JAG2: variants seen among roughly 807,000 people sequenced by gnomAD.
The protein encoded by JAG2 is jagged canonical Notch ligand 2.
Under a neutral mutation model 141.7 loss-of-function variants are expected in JAG2, and 46 were observed. That is an observed-to-expected ratio of 0.32 (90% CI 0.26 to 0.42). JAG2 has a LOEUF of 0.42. JAG2 is among the 10% of genes least tolerant of loss of function. The pLI is 1.00. For synonymous variants in JAG2, 862 were observed against 763.5 expected (o/e 1.13, Z -2.13); for missense variants, 1,500 against 1,817.5 (o/e 0.83, Z 3.18).
At chr14:105,147,674 G>A in intron 18 of JAG2, 98 bp downstream of exon 18, 2 of 1,083,806 alleles carry the variant, frequency 1.8e-6, no homozygotes, top group Non-Finnish European at 2.8e-6. Context: ...GGGCAGCAGG[G>A]GGAGGGGCTG....
rs1027498932 is a variant in JAG2, at chr14:105,145,657, C to G, written c.2952+74G>C. On this transcript the variant is annotated intron_variant, in intron 23 of 25. Coordinates refer to ENST00000331782, the MANE Select transcript of JAG2 (RefSeq NM_002226.5). Reference sequence around the variant, plus strand: ...ACCAGGGCCTCCCTGCCCTGCGGGGCTAGGCTTTCGCCATGCCACGAGCAG... The same window carrying G: ...ACCAGGGCCTCCCTGCCCTGCGGGGGTAGGCTTTCGCCATGCCACGAGCAG... 5 of 1,536,022 alleles carry G rather than the reference C, an allele frequency of 3.3e-6. No homozygotes were observed. In the African/African-American group the frequency reaches 4.1e-5, roughly 13 times the overall value.
chr14:105,150,594 C>T lies in JAG2; in HGVS notation c.1602+10G>A. 1 of 1,546,068 alleles carries T rather than the reference C, an allele frequency of 6.5e-7. No homozygotes were observed. The highest frequency in any genetic ancestry group is 8.7e-7 in the Non-Finnish European group (1 of 1,144,862). On this transcript the variant is annotated intron_variant, in intron 12 of 25. Coordinates refer to ENST00000331782, the MANE Select transcript of JAG2 (RefSeq NM_002226.5). ...CAGCAGGTGGGGCAGGGTGACCAGG[C>T]AGACCTCACCTCACAGAGAGGCCCG...
At chr14:105,155,222 A>C in intron 5 of JAG2, among the ~76,000 whole-genome samples, 1 of 147,848 alleles carries the variant, frequency 6.8e-6, no homozygotes, top group African/African-American at 2.5e-5. Context: ...CTCGCCGCCC[A>C]CCCCCTCCCC....
chr14:105,149,423 G>GGAT, intron 12 of JAG2, 103 bp from the exon 13 acceptor site: 3 of 1,452,836 alleles, frequency 2.1e-6, no homozygotes, highest in Non-Finnish European at 2.9e-6. Flanking sequence ...GGACCCCCAG[G>GGAT]CCCCTCCGCC....
rs187164593 is a variant in JAG2 at position 105,141,410 on chromosome 14, T to C, written c.*1285A>G. ...TAATTCCTTAAGACCTTGATACGTA[T>C]TCGTGGGTAAGCAATTTTATACTAT... On this transcript the variant is annotated 3_prime_UTR_variant, in exon 26 of 26. Transcript: ENST00000331782. 2.6e-5 allele frequency: 4 copies of C among 152,376 alleles called. No individual in the cohort carries two copies. Among genetic ancestry groups the C allele is most frequent in the East Asian group, 1.9e-4 (1 of 5,192 alleles). 9.4% of individuals were successfully genotyped at this position (152,376 alleles called of 1,614,324 possible). A position where few individuals can be genotyped will look rare whatever the true frequency, so the allele number is the denominator to read the frequency against.
At chr14:105,149,692 C>T (rs966386319) in intron 12 of JAG2, among the ~76,000 whole-genome samples, 2 of 150,402 alleles carry the variant, frequency 1.3e-5, no homozygotes, top group African/African-American at 4.9e-5. Flanking sequence ...GCCATGCTTG[C>T]AGGTCCTGAG....
chr14:105,150,345 G>C (rs906812444), intron 12 of JAG2, among the ~76,000 whole-genome samples: 12 of 152,108 alleles, frequency 7.9e-5, no homozygotes, highest in Non-Finnish European at 1.3e-4. Context: ...GGCCTGGGCA[G>C]CCAGCAGCCC....
At chr14:105,153,775 G>A (rs1888505911) in intron 5 of JAG2, among the ~76,000 whole-genome samples, 1 of 152,170 alleles carries the variant, frequency 6.6e-6, no homozygotes, top group African/African-American at 2.4e-5. Flanking sequence ...GGGCAGGGAT[G>A]GCCAACTTCT....
intron 18 of JAG2, 78 bp from the exon 19 acceptor site, chr14:105,147,605 G>A (rs1486556815): frequency 1.6e-5 from 23 of 1,461,972 alleles, no homozygotes; most frequent in Middle Eastern, 1.8e-4. Context: ...CTGGCTTGGC[G>A]TGATCAGGCT....
chr14:105,148,917 C>T lies in JAG2; in HGVS notation c.1906+20G>A, dbSNP rs200017039. On this transcript the variant is annotated intron_variant, in intron 14 of 25. Transcript: ENST00000331782. ...GGCCAGCCCAGCCCCACCACCAGCC[C>T]GCCGTTCGTGGCCACTCACTCTCAT... 1.7e-4 allele frequency: 264 copies of T among 1,599,190 alleles called. No homozygotes were observed. Among genetic ancestry groups the T allele is most frequent in the Non-Finnish European group, 1.8e-4 (215 of 1,173,754 alleles).
In JAG2 at chr14:105,145,819, G is replaced by A. The variant is rs1383211824; in HGVS notation, c.2864C>T (p.Pro955Leu). Residue 955 changes from proline to leucine, a missense_variant, in exon 23 of 26, where the codon CCG (proline) becomes CTG (leucine). Coordinates refer to ENST00000331782, the MANE Select transcript of JAG2 (RefSeq NM_002226.5). ...AWGECGAEEP[P>L]STPCLPRSGH... ...GGAGCGTGGCAGGCAGGGGGTGCTC[G>A]GTGGCTCTTCTGCGCCGCACTCCCC... 1.9e-5 allele frequency: 29 copies of A among 1,566,208 alleles called. No homozygotes were observed. Among genetic ancestry groups the A allele is most frequent in the Admixed American group, 3.7e-5 (2 of 53,412 alleles).
At chr14:105,148,671 G>A (rs1045592561) in intron 15 of JAG2, 74 bp downstream of exon 15, 13 of 1,303,624 alleles carry the variant, frequency 1.0e-5, no homozygotes, top group East Asian at 7.6e-5. Context: ...CCCAGACAGC[G>A]GTCCATCTCA....
chr14:105,149,780 G>A (rs1357888497), intron 12 of JAG2, among the ~76,000 whole-genome samples: 2 of 144,614 alleles, frequency 1.4e-5, no homozygotes, highest in African/African-American at 2.6e-5. Flanking sequence ...GGGCAGGATC[G>A]TGGGCGGCCG....
At chr14:105,151,785 GCTTTCCACA>G (rs1479020505) in intron 7 of JAG2, 46 bp from the exon 8 acceptor site, 2 of 1,599,236 alleles carry the variant, frequency 1.3e-6, no homozygotes, top group Non-Finnish European at 8.5e-7. Context: ...CAGGCCCCCA[GCTTTCCACA>G]AGCACTCCTC....
chr14:105,142,773 G>C lies in JAG2; in HGVS notation c.3639C>G (p.Ala1213=), dbSNP rs368232652. Residue 1213 remains alanine (A), a synonymous_variant, in exon 26 of 26, where the codon GCC becomes GCG. Transcript: ENST00000331782. ...KDPGRSPGRP[A]HWASGPKVDN... ...CCACTTTGGGGCCTGAGGCCCAGTG[G>C]GCCGGCCTCCCCGGCGAGCGGCCAG... The C allele has an allele frequency of 6.2e-7, 1 of 1,610,838 alleles. No individual in the cohort carries two copies. Among genetic ancestry groups the C allele is most frequent in the Non-Finnish European group, 8.5e-7 (1 of 1,179,118 alleles).
chr14:105,149,020 G>A lies in JAG2; in HGVS notation c.1823C>T (p.Pro608Leu). 6.2e-7 allele frequency: 1 copy of A among 1,607,184 alleles called. No individual in the cohort carries two copies. Among genetic ancestry groups the A allele is most frequent in the East Asian group, 2.2e-5 (1 of 44,608 alleles). Residue 608 changes from proline to leucine, a missense_variant, in exon 14 of 26, where the codon CCC becomes CTC. Physicochemically the swap from Pro to Leu is moderately conservative, Grantham distance 98. This residue lies in a region of JAG2 where 875 missense variants were observed against 1,202.2 expected (regional missense o/e 0.73). Transcript: ENST00000331782. ...PGTAASGVCG[P>L]HGRCVSQPGG... ...TGGCTGGCTGACGCAGCGTCCATGG[G>A]GGCCACACACGCCGGAGGCTGCTGT... is the stretch of plus-strand genomic sequence containing the variant.
chr14:105,151,438 C>G, intron 8 of JAG2, 42 bp from the exon 9 acceptor site: 1 of 1,574,744 alleles, frequency 6.4e-7, no homozygotes, highest in South Asian at 1.1e-5. Flanking sequence ...CAGTGTGAGC[C>G]GTGGGAATAA....
intron 17 of JAG2, 68 bp from the exon 18 acceptor site, chr14:105,147,956 GC>G: frequency 7.6e-7 from 1 of 1,308,226 alleles, no homozygotes; most frequent in Non-Finnish European, 1.1e-6. Context: ...TCCATACCGC[GC>G]CCCCAACCCA....
intron 2 of JAG2, among the ~76,000 whole-genome samples, chr14:105,162,723 CCCTAGATCCAG>C: frequency 2.2e-5 from 1 of 45,384 alleles, no homozygotes; most frequent in Admixed American, 1.8e-4. Flanking sequence ...GCCCAGGGCA[CCCTAGATCCAG>C]TACACCCCAC....
Sources: allele counts gnomAD v4.1 joint callset (sites outside exome capture counted in the v4.1 genomes callset), GRCh38; gene constraint gnomAD v4.1.1; regional missense constraint gnomAD v4.1.1; transcripts MANE v1.5; gene names NCBI Gene and HGNC (gene_info 2026-07-23, HGNC 2026-07-21).